The following SEMA6A variants were observed in gnomAD, a reference collection of about 807,000 sequenced individuals.
SEMA6A encodes the protein semaphorin 6A, also known as semaphorin-6A.
A neutral mutation model predicts 96.8 loss-of-function variants in SEMA6A; 25 were observed. The ratio of observed to expected loss-of-function variants is 0.26; its 90% CI spans 0.19 to 0.36. The LOEUF is 0.36. Ranked by LOEUF, SEMA6A falls within the 10% of genes least tolerant of loss-of-function variation. The pLI, the probability that SEMA6A is intolerant of heterozygous loss-of-function variation, is 1.00. For missense variants in SEMA6A, 1,363 were observed against 1,323.1 expected (o/e 1.03, Z -0.47); for synonymous variants, 612 against 518.0 (o/e 1.18, Z -2.46).
chr5:116,532,694 T>C (rs1759536470), intron 1 of SEMA6A, among the ~76,000 whole-genome samples: 1 of 152,144 alleles, frequency 6.6e-6, no homozygotes, highest in Non-Finnish European at 1.5e-5. Flanking sequence ...CTGACTCTTT[T>C]CCCTTCCCTT....
chr5:116,490,999 G>A (rs1188241316), intron 7 of SEMA6A, among the ~76,000 whole-genome samples: 1 of 152,164 alleles, frequency 6.6e-6, no homozygotes, highest in African/African-American at 2.4e-5. Context: ...TTTTGCAGTG[G>A]AAAGAAGGAG....
At chr5:116,509,928 G>T (rs1488147418) in intron 1 of SEMA6A, among the ~76,000 whole-genome samples, 1 of 151,848 alleles carries the variant, frequency 6.6e-6, no homozygotes, top group East Asian at 1.9e-4. Flanking sequence ...GGGGAACAGG[G>T]CTCATTTTTC....
At position 116,444,404 on chromosome 5, in the gene SEMA6A, ATT is replaced by A. The variant is rs1372321108; in HGVS notation, c.*2207_*2208del. On this transcript the variant is annotated 3_prime_UTR_variant, in exon 19 of 19. Coordinates refer to ENST00000343348, the MANE Select transcript of SEMA6A (RefSeq NM_020796.5). ...TTTCACTATCCAACTCAAAACTGTCATTGTCAGTCTTTTTTTGAATTCTTTTT... is the reference window on the plus strand; with the variant it reads ...TTTCACTATCCAACTCAAAACTGTCAGTCAGTCTTTTTTTGAATTCTTTTT... 1 of 152,198 alleles carries A rather than the reference ATT, an allele frequency of 6.6e-6. No homozygotes were observed. The highest frequency in any genetic ancestry group is 1.5e-5 in the Non-Finnish European group (1 of 68,026). The allele number at this position is 152,198 out of a possible 1,614,324, so 9.4% of individuals were successfully genotyped here.
intron 1 of SEMA6A, among the ~76,000 whole-genome samples, chr5:116,556,999 A>C (rs557554235): frequency 1.3e-5 from 2 of 152,362 alleles, no homozygotes; most frequent in African/African-American, 4.8e-5. Context: ...GAAAAAGCAG[A>C]GTTGGCACTA....
Position 116,475,649 on chromosome 5 carries a change from C to T in SEMA6A, c.1650-46G>A, listed in dbSNP as rs187521982. On this transcript the variant is annotated intron_variant, in intron 15 of 18. Coordinates refer to ENST00000343348, the MANE Select transcript of SEMA6A (RefSeq NM_020796.5). ...AGAGAGACAGAAATGAATACAATAA[C>T]GTGAGTCTTCAGAAATGAGTCAAGC... The T allele has an allele frequency of 1.5e-4, 205 of 1,396,172 alleles. No individual in the cohort carries two copies. The Admixed American group carries it at 3.8e-3, about 26-fold the overall frequency. 86.5% of individuals were successfully genotyped at this position (1,396,172 alleles called of 1,614,324 possible).
In SEMA6A at chr5:116,501,011, CA is replaced by C. The variant is rs533950464; in HGVS notation, c.218+1198del. On this transcript the variant is annotated intron_variant, in intron 3 of 18. Coordinates refer to ENST00000343348, the MANE Select transcript of SEMA6A (RefSeq NM_020796.5). ...GGACGATGGGAGTGAAACCCTGTCT[CA>C]AAAAAAAGCATAATCTTCATTTCTT... Among the ~76,000 whole-genome samples the C allele has an allele frequency of 7.3e-3, 1,108 of 151,452 alleles. 9 individuals carry two copies. Among genetic ancestry groups the C allele is most frequent in the Non-Finnish European group, 0.01 (711 of 67,828 alleles).
chr5:116,555,124 C>A (rs1377235769), intron 1 of SEMA6A, among the ~76,000 whole-genome samples: 1 of 152,178 alleles, frequency 6.6e-6, no homozygotes, highest in African/African-American at 2.4e-5. Context: ...CACCCAGTCT[C>A]CAAGCTTTTG....
intron 15 of SEMA6A, 111 bp from the exon 16 acceptor site, chr5:116,475,714 C>A: frequency 1.4e-6 from 1 of 691,772 alleles, no homozygotes; most frequent in Non-Finnish European, 2.4e-6. Flanking sequence ...AATTGAGTGG[C>A]AGGTGCAAAA....
chr5:116,564,616 A>G (rs894707318), intron 1 of SEMA6A, among the ~76,000 whole-genome samples: 1 of 152,232 alleles, frequency 6.6e-6, no homozygotes, highest in Non-Finnish European at 1.5e-5. Context: ...ACCCTCTTAC[A>G]GCAATTTACT....
chr5:116,506,803 C>G (rs1758164767), intron 1 of SEMA6A, among the ~76,000 whole-genome samples: 2 of 152,082 alleles, frequency 1.3e-5, no homozygotes, highest in African/African-American at 4.8e-5. Flanking sequence ...AAAGGAAACT[C>G]AAAAGGCTAA....
At chr5:116,535,248 C>A (rs1759657803) in intron 1 of SEMA6A, among the ~76,000 whole-genome samples, 1 of 152,060 alleles carries the variant, frequency 6.6e-6, no homozygotes, top group Non-Finnish European at 1.5e-5. Context: ...CAAAGTTAGA[C>A]CAACTAATAA....
intron 18 of SEMA6A, among the ~76,000 whole-genome samples, chr5:116,454,317 T>C (rs1442996321): frequency 6.6e-6 from 1 of 152,168 alleles, no homozygotes; most frequent in Admixed American, 6.5e-5. Context: ...CCCCTAAAAA[T>C]AGATTCTTGA....
At chr5:116,472,963 T>C (rs1055088637) in intron 17 of SEMA6A, 110 bp downstream of exon 17, 10 of 1,516,710 alleles carry the variant, frequency 6.6e-6, no homozygotes, top group East Asian at 4.9e-5. Flanking sequence ...GGATAAAAAA[T>C]TAATTAAAAA....
intron 16 of SEMA6A, 149 bp from the exon 17 acceptor site, chr5:116,473,242 A>C (rs1756263588): frequency 1.4e-6 from 1 of 727,956 alleles, no homozygotes; most frequent in Non-Finnish European, 2.3e-6. Context: ...CGTGTAATGT[A>C]AGATGCCTTC....
chr5:116,527,800 G>T (rs1411831317), intron 1 of SEMA6A, among the ~76,000 whole-genome samples: 1 of 152,110 alleles, frequency 6.6e-6, no homozygotes, highest in African/African-American at 2.4e-5. Context: ...ACCCTGTGAT[G>T]CACAAAACCT....
chr5:116,491,957 A>G, intron 6 of SEMA6A, 127 bp from the exon 7 acceptor site: 1 of 702,974 alleles, frequency 1.4e-6, no homozygotes, highest in Non-Finnish European at 2.5e-6. Flanking sequence ...GACCCTGTTG[A>G]AGCCACTTTT....
intron 1 of SEMA6A, among the ~76,000 whole-genome samples, chr5:116,571,431 A>C (rs887725156): frequency 1.3e-5 from 2 of 152,256 alleles, no homozygotes; most frequent in Non-Finnish European, 2.9e-5. Flanking sequence ...AACACTGTAC[A>C]TCAGAAACAT....
intron 3 of SEMA6A, among the ~76,000 whole-genome samples, chr5:116,500,581 G>T (rs983772056): frequency 6.6e-6 from 1 of 152,136 alleles, no homozygotes; most frequent in Non-Finnish European, 1.5e-5. Flanking sequence ...GCAGTTTCAG[G>T]ATGTTTTAGT....
chr5:116,492,781 A>G lies in SEMA6A; in HGVS notation c.445-951T>C, dbSNP rs373221246. Among the ~76,000 whole-genome samples, 53 of 152,356 alleles carry G rather than the reference A, an allele frequency of 3.5e-4. 1 individual carries two copies. In the South Asian group the frequency reaches 0.01, roughly 30 times the overall value. On this transcript the variant is annotated intron_variant, in intron 6 of 18. Transcript: ENST00000343348. The stretch of plus-strand genomic sequence containing the variant: ...CTCTTGCTTCATGTCACTCTAATCA[A>G]CTTGATGCTTGTGTGCTATGATAAG...
Sources: gnomAD v4.1 joint callset for allele counts (sites outside exome capture counted in the v4.1 genomes callset) on GRCh38, gnomAD v4.1.1 for gene constraint, MANE v1.5 for transcripts, NCBI Gene and HGNC (gene_info 2026-07-23, HGNC 2026-07-21) for gene names.